The following TRIM9 variants were observed in gnomAD, a reference collection of about 807,000 sequenced individuals.
The protein encoded by TRIM9 is tripartite motif containing 9, also known as E3 ubiquitin-protein ligase TRIM9.
In TRIM9, 26 loss-of-function variants were observed where a neutral mutation model predicts 78.3. That is an observed-to-expected ratio of 0.33 (90% CI 0.24 to 0.46). The LOEUF (loss-of-function observed/expected upper bound fraction) is 0.46, where lower values mean the gene tolerates loss of function less well. Among genes scored for constraint, TRIM9 ranks in the 20% least tolerant of loss-of-function variants. TRIM9 has a pLI of 1.00. For missense variants in TRIM9, 787 were observed against 1,036.4 expected, an observed-to-expected ratio of 0.76 and a Z score of 3.30; for synonymous variants, 398 against 416.5, an observed-to-expected ratio of 0.96 and a Z score of 0.54.
chr14:51,040,118 G>C (rs147925402), intron 1 of TRIM9, among the ~76,000 whole-genome samples: 2 of 152,068 alleles, frequency 1.3e-5, no homozygotes, highest in African/African-American at 4.8e-5. Flanking sequence ...AAGTATATGC[G>C]GATAAAGTCT....
At chr14:51,001,314 C>G (rs1254064261) in intron 5 of TRIM9, among the ~76,000 whole-genome samples, 3 of 151,448 alleles carry the variant, frequency 2.0e-5, no homozygotes, top group Admixed American at 2.0e-4. Flanking sequence ...ACTGCAAGCT[C>G]CGCCTCCCGG....
intron 2 of TRIM9, among the ~76,000 whole-genome samples, chr14:51,023,169 C>T (rs1953891): frequency 0.1 from 15,384 of 152,162 alleles, 822 homozygotes; most frequent in Middle Eastern, 0.2. Context: ...ATATTTATCA[C>T]TTAAATTTAT....
intron 12 of TRIM9, among the ~76,000 whole-genome samples, chr14:50,978,576 C>T (rs2051371821): frequency 6.6e-6 from 1 of 152,184 alleles, no homozygotes; most frequent in African/African-American, 2.4e-5. Flanking sequence ...TGCGATAAGC[C>T]CTACCTACGC....
intron 7 of TRIM9, among the ~76,000 whole-genome samples, chr14:50,987,217 A>T (rs551543478): frequency 3.1e-4 from 47 of 152,286 alleles, no homozygotes; most frequent in African/African-American, 1.1e-3. Context: ...ATTTCCGTGA[A>T]TTTTTTTCTG....
intron 1 of TRIM9, among the ~76,000 whole-genome samples, chr14:51,087,615 T>C (rs1398851431): frequency 6.6e-6 from 1 of 152,100 alleles, no homozygotes; most frequent in Non-Finnish European, 1.5e-5. Context: ...GTAGGTACAC[T>C]GTGGTGGCCA....
At chr14:51,044,992 G>C (rs1385627178) in intron 1 of TRIM9, among the ~76,000 whole-genome samples, 1 of 152,166 alleles carries the variant, frequency 6.6e-6, no homozygotes, top group Non-Finnish European at 1.5e-5. Context: ...TGTTGAACTG[G>C]ATAATTTATT....
At chr14:51,086,347 G>A (rs1422392105) in intron 1 of TRIM9, among the ~76,000 whole-genome samples, 1 of 136,306 alleles carries the variant, frequency 7.3e-6, no homozygotes, top group Non-Finnish European at 1.7e-5. Context: ...GATTAAATGA[G>A]AAAATGCTGT....
At chr14:51,005,159 A>T (rs894993489) in intron 5 of TRIM9, among the ~76,000 whole-genome samples, 8 of 152,202 alleles carry the variant, frequency 5.3e-5, no homozygotes, top group Non-Finnish European at 1.2e-4. Flanking sequence ...GGCTATCAGC[A>T]TTAACAGATT....
chr14:51,023,353 A>G (rs2057936980), intron 2 of TRIM9, among the ~76,000 whole-genome samples: 1 of 152,244 alleles, frequency 6.6e-6, no homozygotes, highest in South Asian at 2.1e-4. Context: ...ACGAGAAATC[A>G]TTAAATTCAA....
intron 1 of TRIM9, among the ~76,000 whole-genome samples, chr14:51,093,500 G>A (rs760816313): frequency 1.3e-5 from 2 of 152,226 alleles, no homozygotes; most frequent in Non-Finnish European, 2.9e-5. Flanking sequence ...GCGACCGCTG[G>A]CTGCCCTCTC....
At chr14:51,029,873 G>C (rs143017112) in intron 1 of TRIM9, among the ~76,000 whole-genome samples, 2,250 of 152,234 alleles carry the variant, frequency 0.015, 21 homozygotes, top group Non-Finnish European at 0.023. Context: ...CCCAAAAAAA[G>C]AGAATTCTCT....
chr14:51,053,609 T>A (rs1280233521), intron 1 of TRIM9, among the ~76,000 whole-genome samples: 4 of 136,850 alleles, frequency 2.9e-5, no homozygotes, highest in African/African-American at 1.1e-4. Flanking sequence ...TTTTTTTTTT[T>A]ATTATACTCT....
At chr14:51,052,422 G>T (rs530707869) in intron 1 of TRIM9, among the ~76,000 whole-genome samples, 1 of 152,170 alleles carries the variant, frequency 6.6e-6, no homozygotes, top group South Asian at 2.1e-4. Context: ...CTTCTCCTGG[G>T]AATTAAATTT....
At chr14:51,014,742 T>A (rs755833919) in intron 3 of TRIM9, among the ~76,000 whole-genome samples, 1 of 152,214 alleles carries the variant, frequency 6.6e-6, no homozygotes, top group African/African-American at 2.4e-5. Context: ...TATTTCTACA[T>A]TGAGTTTTTC....
chr14:51,037,044 T>C (rs2059212287), intron 1 of TRIM9, among the ~76,000 whole-genome samples: 1 of 152,206 alleles, frequency 6.6e-6, no homozygotes, highest in African/African-American at 2.4e-5. Context: ...TGCAAACTGT[T>C]ACCTTACTAT....
intron 1 of TRIM9, among the ~76,000 whole-genome samples, chr14:51,039,833 G>T (rs1251102428): frequency 6.6e-6 from 1 of 151,710 alleles, no homozygotes; most frequent in Non-Finnish European, 1.5e-5. Flanking sequence ...TGCAAGCTCT[G>T]CCTCCCGGGT....
At chr14:50,994,830 C>T (rs547104611) in intron 7 of TRIM9, among the ~76,000 whole-genome samples, 117 of 152,112 alleles carry the variant, frequency 7.7e-4, no homozygotes, top group African/African-American at 2.7e-3. Flanking sequence ...GGCTTGGGGG[C>T]CTTATTTGAA....
intron 5 of TRIM9, among the ~76,000 whole-genome samples, chr14:51,006,953 C>A (rs2055888172): frequency 6.6e-6 from 1 of 152,112 alleles, no homozygotes; most frequent in Non-Finnish European, 1.5e-5. Context: ...GTTCCCATAC[C>A]CAGTGAAGGG....
intron 5 of TRIM9, 105 bp from the exon 6 acceptor site, chr14:51,000,945 G>T: frequency 7.4e-7 from 1 of 1,345,736 alleles, no homozygotes; most frequent in Non-Finnish European, 1.0e-6. Flanking sequence ...GAAGTAGCCA[G>T]AATGGGGTGC....
Sources: allele counts gnomAD v4.1 joint callset (sites outside exome capture counted in the v4.1 genomes callset), GRCh38; gene constraint gnomAD v4.1.1; transcripts MANE v1.5; gene names NCBI Gene and HGNC (gene_info 2026-07-23, HGNC 2026-07-21).